FSTL5: variants seen among roughly 807,000 people sequenced by gnomAD.
FSTL5 encodes follistatin-related protein 5.
Under a neutral mutation model 89.1 loss-of-function variants are expected in FSTL5, and 62 were observed. That is an observed-to-expected ratio of 0.70 (90% CI 0.57 to 0.86). The LOEUF (loss-of-function observed/expected upper bound fraction) is 0.86, where lower values mean the gene tolerates loss of function less well. Ranked by LOEUF, FSTL5 falls within the 40% of genes least tolerant of loss-of-function variation. The probability of loss-of-function intolerance (pLI) is 0.00; values close to 1 mark genes in which losing one functional copy is unlikely to be tolerated. For missense variants in FSTL5, 1,057 were observed against 1,001.6 expected (o/e 1.06, Z -0.75); for synonymous variants, 383 against 346.2 (o/e 1.11, Z -1.18).
intron 2 of FSTL5, among the ~76,000 whole-genome samples, chr4:162,061,440 G>T (rs1460553942): frequency 6.6e-6 from 1 of 152,136 alleles, no homozygotes; most frequent in Admixed American, 6.6e-5. Flanking sequence ...CACCCAGAGT[G>T]TTGGAAATGG....
chr4:161,726,887 G>A (rs996265964), intron 6 of FSTL5, among the ~76,000 whole-genome samples: 2 of 138,492 alleles, frequency 1.4e-5, no homozygotes, highest in African/African-American at 2.6e-5. Flanking sequence ...GCTCTAGCAA[G>A]ATATCCCAAA....
intron 4 of FSTL5, among the ~76,000 whole-genome samples, chr4:161,785,618 A>G (rs1267918450): frequency 4.6e-5 from 7 of 152,186 alleles, no homozygotes; most frequent in African/African-American, 1.7e-4. Context: ...CAGCTATATG[A>G]GAAATGTATA....
intron 6 of FSTL5, among the ~76,000 whole-genome samples, chr4:161,720,847 T>C (rs1739173912): frequency 6.6e-6 from 1 of 152,112 alleles, no homozygotes. Flanking sequence ...AGAATAGTGA[T>C]TGCCAGGGGT....
At chr4:161,686,493 G>A (rs2126714760) in intron 6 of FSTL5, among the ~76,000 whole-genome samples, 1 of 149,438 alleles carries the variant, frequency 6.7e-6, no homozygotes, top group East Asian at 2.0e-4. Flanking sequence ...TGAGTAGCTG[G>A]GACCACAGGC....
intron 3 of FSTL5, among the ~76,000 whole-genome samples, chr4:161,987,847 T>A (rs1736009397): frequency 6.6e-6 from 1 of 151,646 alleles, no homozygotes; most frequent in Non-Finnish European, 1.5e-5. Context: ...AGATCTGCCA[T>A]CTTACTTGAC....
At chr4:162,037,304 C>T (rs570978655) in intron 2 of FSTL5, among the ~76,000 whole-genome samples, 6 of 151,786 alleles carry the variant, frequency 4.0e-5, no homozygotes, top group East Asian at 1.9e-4. Flanking sequence ...TTTGATATGA[C>T]GAATTAAACA....
intron 2 of FSTL5, among the ~76,000 whole-genome samples, chr4:162,043,720 T>A (rs1475032036): frequency 6.6e-6 from 1 of 152,254 alleles, no homozygotes; most frequent in Admixed American, 6.5e-5. Context: ...AGCCTGCCAC[T>A]GCTTTATCAA....
intron 4 of FSTL5, among the ~76,000 whole-genome samples, chr4:161,859,945 T>C (rs533430180): frequency 6.6e-6 from 1 of 152,144 alleles, no homozygotes; most frequent in Non-Finnish European, 1.5e-5. Context: ...AAGGACATGG[T>C]AGGCAGAAAA....
intron 3 of FSTL5, among the ~76,000 whole-genome samples, chr4:162,021,184 T>C (rs1342118854): frequency 2.6e-5 from 4 of 152,162 alleles, no homozygotes; most frequent in African/African-American, 9.6e-5. Context: ...TACAGTATAG[T>C]CTATACTGGC....
chr4:161,499,311 C>T (rs1730214210), intron 12 of FSTL5, among the ~76,000 whole-genome samples: 1 of 152,098 alleles, frequency 6.6e-6, no homozygotes, highest in Admixed American at 6.6e-5. Flanking sequence ...ATAATTTAGC[C>T]TATGGCTGAA....
At chr4:161,521,325 T>TG (rs200279173) in intron 10 of FSTL5, among the ~76,000 whole-genome samples, 13 of 151,974 alleles carry the variant, frequency 8.6e-5, no homozygotes, top group Non-Finnish European at 1.6e-4. Context: ...TCATCCACAG[T>TG]GTTTTTTTTT....
At chr4:162,037,089 A>G (rs1488488437) in intron 2 of FSTL5, among the ~76,000 whole-genome samples, 2 of 151,910 alleles carry the variant, frequency 1.3e-5, no homozygotes, top group African/African-American at 4.8e-5. Context: ...ATTTGAGAAT[A>G]CATAAATGAT....
At chr4:161,879,072 C>T (rs1732541976) in intron 4 of FSTL5, among the ~76,000 whole-genome samples, 1 of 152,116 alleles carries the variant, frequency 6.6e-6, no homozygotes, top group African/African-American at 2.4e-5. Context: ...GTCTTTCTTC[C>T]TCTCCTGAGT....
intron 6 of FSTL5, among the ~76,000 whole-genome samples, chr4:161,701,416 A>C (rs1738385079): frequency 6.6e-6 from 1 of 152,144 alleles, no homozygotes. Flanking sequence ...AAAATAGTAG[A>C]TATAGGTTAA....
chr4:161,888,655 G>A (rs778181068), intron 4 of FSTL5, among the ~76,000 whole-genome samples: 20 of 152,118 alleles, frequency 1.3e-4, no homozygotes, highest in Admixed American at 2.0e-4. Flanking sequence ...GTGGTAATGG[G>A]TGATAAGAAC....
intron 6 of FSTL5, among the ~76,000 whole-genome samples, chr4:161,657,580 G>T (rs1736562045): frequency 6.6e-6 from 1 of 152,090 alleles, no homozygotes; most frequent in South Asian, 2.1e-4. Context: ...CATTCTTCTT[G>T]AGAAAGCCCC....
chr4:161,579,211 C>T (rs1733340674), intron 8 of FSTL5, among the ~76,000 whole-genome samples: 1 of 152,036 alleles, frequency 6.6e-6, no homozygotes. Flanking sequence ...TCAAGGCATG[C>T]TGTTTTAAGG....
intron 3 of FSTL5, among the ~76,000 whole-genome samples, chr4:162,003,317 A>G (rs1338670815): frequency 2.0e-5 from 3 of 152,132 alleles, no homozygotes; most frequent in Non-Finnish European, 4.4e-5. Context: ...CAGTGGTACT[A>G]TGAGGTTAGT....
At chr4:162,028,429 T>C (rs746080733) in intron 3 of FSTL5, among the ~76,000 whole-genome samples, 1 of 151,938 alleles carries the variant, frequency 6.6e-6, no homozygotes, top group Non-Finnish European at 1.5e-5. Context: ...ATACAAAAAT[T>C]AGCCAGGGGT....
Sources: gnomAD v4.1 joint callset for allele counts (sites outside exome capture counted in the v4.1 genomes callset) on GRCh38, gnomAD v4.1.1 for gene constraint, MANE v1.5 for transcripts, NCBI Gene and HGNC (gene_info 2026-07-23, HGNC 2026-07-21) for gene names.